PGRMC1: variants seen among roughly 807,000 people sequenced by gnomAD.
PGRMC1 encodes membrane-associated progesterone receptor component 1.
For synonymous variants in PGRMC1, 73 were observed against 77.3 expected (o/e 0.94, Z 0.29); for missense variants, 145 against 169.0 (o/e 0.86, Z 0.79).
At chrX:119,236,777 G>A (rs1930710139) in intron 1 of PGRMC1, 86 bp downstream of exon 1, 1 of 825,399 alleles carries the variant, frequency 1.2e-6, no homozygotes, top group African/African-American at 2.1e-5. Flanking sequence ...GCGGGAGCGG[G>A]GCGCCCCTGA....
At chrX:119,240,490 G>C (rs1394199733) in intron 2 of PGRMC1, 26 bp downstream of exon 2, 1 of 1,161,927 alleles carries the variant, frequency 8.6e-7, no homozygotes, top group Non-Finnish European at 1.2e-6. Context: ...ATTGTGTCTG[G>C]GTCAAATTTC....
intron 1 of PGRMC1, among the ~76,000 whole-genome samples, chrX:119,238,287 G>T (rs969597833): frequency 9.0e-6 from 1 of 111,459 alleles, no homozygotes; most frequent in East Asian, 2.8e-4. Context: ...ACTCCTGGGC[G>T]CAAGCAGTCC....
At chrX:119,237,009 C>T (rs1330980287) in intron 1 of PGRMC1, among the ~76,000 whole-genome samples, 1 of 110,152 alleles carries the variant, frequency 9.1e-6, no homozygotes, top group Non-Finnish European at 1.9e-5. Context: ...AGCTCGAAGG[C>T]GTTGAGGGGG....
In PGRMC1 at chrX:119,240,411, A is replaced by C; in HGVS notation, c.431A>C (p.Asp144Ala). The C allele has an allele frequency of 8.3e-7, 1 of 1,207,541 alleles. No individual in the cohort carries two copies. The highest frequency in any genetic ancestry group is 1.1e-6 in the Non-Finnish European group (1 of 891,833). Reference protein sequence around the residue: ...ALKDEYDDLSDLTAAQQETLS... With the variant: ...ALKDEYDDLSALTAAQQETLS... ...AAGGATGAGTACGATGACCTTTCTG[A>C]CCTCACTGCTGCCCAGCAGGAGACT... is the stretch of plus-strand genomic sequence containing the variant. The change falls in exon 2 of 3, where the codon GAC becomes GCC. Residue 144 changes from aspartate to alanine, a missense_variant. Physicochemically the swap from Asp to Ala is moderately radical, Grantham distance 126. Transcript: ENST00000217971.
At chrX:119,241,128 T>A (rs2147230835) in intron 2 of PGRMC1, among the ~76,000 whole-genome samples, 1 of 112,518 alleles carries the variant, frequency 8.9e-6, no homozygotes, top group Non-Finnish European at 1.9e-5. Context: ...TCTAGCAATA[T>A]TTCACTGCCA....
chrX:119,236,685 G>A lies in PGRMC1; in HGVS notation c.322G>A (p.Gly108Arg). The change falls in exon 1 of 3, where the codon GGG becomes AGG. Residue 108 changes from glycine (G) to arginine (R), a missense_variant. Transcript: ENST00000217971. ...TGTGACCAAAGGCCGCAAATTCTAC[G>A]GGCCCGGTACGCGGCCGGCGAGGGG... is the stretch of plus-strand genomic sequence containing the variant. Reference protein sequence around the residue: ...FDVTKGRKFYGPEGPYGVFAG... With the variant: ...FDVTKGRKFYRPEGPYGVFAG... The A allele has an allele frequency of 2.5e-6, 3 of 1,189,072 alleles. No homozygotes were observed. The highest frequency in any genetic ancestry group is 3.4e-6 in the Non-Finnish European group (3 of 883,714).
rs866285508 is a variant in PGRMC1 at position 119,236,674 on chromosome X, G to A, written c.311G>A (p.Arg104His). The change falls in exon 1 of 3, where the codon CGC (arginine) becomes CAC (histidine). Residue 104 changes from arginine to histidine, a missense_variant. Transcript: ENST00000217971. ...NGKVFDVTKG[R>H]KFYGPEGPYG... ...AAGGTGTTCGATGTGACCAAAGGCC[G>A]CAAATTCTACGGGCCCGGTACGCGG... The A allele has an allele frequency of 1.7e-6, 2 of 1,196,612 alleles. No individual in the cohort carries two copies. The highest frequency in any genetic ancestry group is 3.5e-5 in the African/African-American group (2 of 57,477).
At chrX:119,237,515 T>A (rs1930728956) in intron 1 of PGRMC1, among the ~76,000 whole-genome samples, 2 of 110,319 alleles carry the variant, frequency 1.8e-5, no homozygotes, top group African/African-American at 6.6e-5. Context: ...GAGGGAGGAA[T>A]AAAGGCTGAA....
At position 119,243,248 on chromosome X, in the gene PGRMC1, T is replaced by C; in HGVS notation, c.582T>C (p.Asn194=). 1.7e-6 allele frequency: 2 copies of C among 1,146,687 alleles called. No homozygotes were observed. Among genetic ancestry groups the C allele is most frequent in the South Asian group, 1.8e-5 (1 of 55,428 alleles). 94.5% of individuals were successfully genotyped at this position (1,146,687 alleles called of 1,213,427 possible). ...CAAAAGATGAGAGTGCCCGGAAAAA[T>C]GATTAAAGCATTCAGTGGAAGTATA... ...EEPKDESARK[N]D The change falls in exon 3 of 3, where the codon AAT becomes AAC. Residue 194 remains asparagine (N), a synonymous_variant. Transcript: ENST00000217971.
chrX:119,238,643 C>G (rs151284397), intron 1 of PGRMC1, among the ~76,000 whole-genome samples: 1,454 of 112,098 alleles, frequency 0.013, 13 homozygotes, highest in Middle Eastern at 0.046. Context: ...TGGGTCATGA[C>G]TAGCTGTGTG....
chrX:119,236,674 G>T lies in PGRMC1; in HGVS notation c.311G>T (p.Arg104Leu). The stretch of plus-strand genomic sequence containing the variant: ...AAGGTGTTCGATGTGACCAAAGGCC[G>T]CAAATTCTACGGGCCCGGTACGCGG... ...NGKVFDVTKGRKFYGPEGPYG... is the reference protein window; with the variant it reads ...NGKVFDVTKGLKFYGPEGPYG... Residue 104 changes from arginine to leucine, a missense_variant, in exon 1 of 3, where the codon CGC becomes CTC. Physicochemically the swap from Arg to Leu is moderately radical, Grantham distance 102. Coordinates refer to ENST00000217971, the MANE Select transcript of PGRMC1 (RefSeq NM_006667.5). The T allele has an allele frequency of 8.4e-7, 1 of 1,196,638 alleles. No homozygotes were observed. Among genetic ancestry groups the T allele is most frequent in the Non-Finnish European group, 1.1e-6 (1 of 888,049 alleles).
intron 1 of PGRMC1, among the ~76,000 whole-genome samples, chrX:119,237,003 C>G (rs769967849): frequency 6.3e-5 from 7 of 110,743 alleles, no homozygotes; most frequent in Non-Finnish European, 1.3e-4. Context: ...CCACGAAGCT[C>G]GAAGGCGTTG....
chrX:119,238,324 G>A (rs982268776), intron 1 of PGRMC1, among the ~76,000 whole-genome samples: 1 of 111,732 alleles, frequency 8.9e-6, no homozygotes, highest in Non-Finnish European at 1.9e-5. Flanking sequence ...CAAAGTGCTG[G>A]GATTACAGGC....
intron 2 of PGRMC1, among the ~76,000 whole-genome samples, chrX:119,241,717 A>G (rs1039306065): frequency 2.7e-5 from 3 of 111,670 alleles, no homozygotes; most frequent in Admixed American, 9.5e-5. Context: ...CACAGTTCCA[A>G]TTGTTCCCAA....
At chrX:119,237,943 C>A (rs1035732860) in intron 1 of PGRMC1, among the ~76,000 whole-genome samples, 5 of 111,581 alleles carry the variant, frequency 4.5e-5, no homozygotes, top group Non-Finnish European at 9.4e-5. Flanking sequence ...GAAAAGCAGC[C>A]AGGCTTGCAA....
chrX:119,238,321 C>G (rs1278069729), intron 1 of PGRMC1, among the ~76,000 whole-genome samples: 3 of 111,936 alleles, frequency 2.7e-5, no homozygotes, highest in Non-Finnish European at 5.6e-5. Flanking sequence ...TCCCAAAGTG[C>G]TGGGATTACA....
chrX:119,236,584 C>G lies in PGRMC1; in HGVS notation c.221C>G (p.Thr74Ser). The G allele has an allele frequency of 8.3e-7, 1 of 1,207,743 alleles. No homozygotes were observed. The highest frequency in any genetic ancestry group is 1.1e-6 in the Non-Finnish European group (1 of 893,338). Residue 74 changes from threonine (T) to serine (S), a missense_variant, in exon 1 of 3, where the codon ACC becomes AGC. Physicochemically the swap from Thr to Ser is moderately conservative, Grantham distance 58. Transcript: ENST00000217971. Reference sequence around the variant, plus strand: ...CCCCGCCTCAAGCGGCGCGACTTCACCCCCGCCGAGCTGCGGCGCTTCGAC... The same window carrying G: ...CCCCGCCTCAAGCGGCGCGACTTCAGCCCCGCCGAGCTGCGGCGCTTCGAC... ...PLPRLKRRDFTPAELRRFDGV... is the reference protein window; with the variant it reads ...PLPRLKRRDFSPAELRRFDGV...
rs900622256 is a variant in PGRMC1 at position 119,243,599 on chromosome X, C to G, written c.*345C>G. 1 of 221,787 alleles carries G rather than the reference C, an allele frequency of 4.5e-6. No homozygotes were observed. The highest frequency in any genetic ancestry group is 7.1e-5 in the South Asian group (1 of 14,039). The allele number at this position is 221,787 out of a possible 1,213,427, so 18.3% of individuals were successfully genotyped here. A position where few individuals can be genotyped will look rare whatever the true frequency, so the allele number is the denominator to read the frequency against. ...ACAGGTAAAAATCTTAAATGTGCAC[C>G]AAGAGCAAAGGATCAACTTTTAGTC... On this transcript the variant is annotated 3_prime_UTR_variant, in exon 3 of 3. Transcript: ENST00000217971.
intron 1 of PGRMC1, among the ~76,000 whole-genome samples, chrX:119,239,869 TATATTC>T (rs1362814820): frequency 8.9e-6 from 1 of 112,180 alleles, no homozygotes; most frequent in Non-Finnish European, 1.9e-5. Flanking sequence ...CATATCAGAA[TATATTC>T]ATAAGGAAAT....
Sources: gnomAD v4.1 joint callset for allele counts (sites outside exome capture counted in the v4.1 genomes callset) on GRCh38, gnomAD v4.1.1 for gene constraint, MANE v1.5 for transcripts, NCBI Gene and HGNC (gene_info 2026-07-23, HGNC 2026-07-21) for gene names.